The following DEDD2 variants were observed in gnomAD, a reference collection of about 807,000 sequenced individuals.
DEDD2 encodes the protein DNA-binding death effector domain-containing protein 2.
Under a neutral mutation model 28.9 loss-of-function variants are expected in DEDD2, and 18 were observed. The ratio of observed to expected loss-of-function variants is 0.62; its 90% CI spans 0.43 to 0.92. The LOEUF (loss-of-function observed/expected upper bound fraction) is 0.92. Among genes scored for constraint, DEDD2 ranks in the 40% least tolerant of loss-of-function variants. The pLI is 0.00. For synonymous variants in DEDD2, 211 were observed against 206.1 expected (o/e 1.02, Z -0.20); for missense variants, 411 against 463.3 (o/e 0.89, Z 1.04).
At chr19:42,200,700 A>T (rs977095820) in intron 4 of DEDD2, among the ~76,000 whole-genome samples, 4 of 152,214 alleles carry the variant, frequency 2.6e-5, no homozygotes, top group Non-Finnish European at 5.9e-5. Context: ...CCCAGAGATA[A>T]AAAGATTCCT....
chr19:42,211,565 A>G (rs2035766392), intron 3 of DEDD2, among the ~76,000 whole-genome samples: 1 of 152,176 alleles, frequency 6.6e-6, no homozygotes, highest in Non-Finnish European at 1.5e-5. Context: ...TGACTGTAAA[A>G]TCTCAATGGG....
In DEDD2 at chr19:42,209,753, G is replaced by A. The variant is rs749412518; in HGVS notation, c.536C>T (p.Pro179Leu). 42 of 1,605,450 alleles carry A rather than the reference G, an allele frequency of 2.6e-5. 2 individuals carry two copies. In the South Asian group the frequency reaches 4.5e-4, roughly 17 times the overall value. Reference sequence around the variant, plus strand: ...TCTGGCGGGCTCTGACTGCTGCTGGGGTGCGGCTGGGGCCCCTCTCCGCCG... The same window carrying A: ...TCTGGCGGGCTCTGACTGCTGCTGGAGTGCGGCTGGGGCCCCTCTCCGCCG... ...RRRRRGAPAA[P>L]QQQSEPARPS... The change falls in exon 4 of 5, where the codon CCC (proline) becomes CTC (leucine). Residue 179 changes from proline to leucine, a missense_variant. By Grantham distance (98) the Pro-to-Leu change is moderately conservative. This residue lies in a region of DEDD2 where 282 missense variants were observed against 273.4 expected (regional missense o/e 1.03). Coordinates refer to ENST00000596251, the MANE Select transcript of DEDD2 (RefSeq NM_133328.4).
intron 3 of DEDD2, among the ~76,000 whole-genome samples, chr19:42,210,393 T>G (rs967227204): frequency 6.6e-6 from 1 of 151,950 alleles, no homozygotes; most frequent in Non-Finnish European, 1.5e-5. Context: ...TAAAAATACT[T>G]TTCATACTTT....
intron 4 of DEDD2, among the ~76,000 whole-genome samples, chr19:42,203,785 G>A (rs921911120): frequency 1.3e-5 from 2 of 152,350 alleles, no homozygotes; most frequent in African/African-American, 4.8e-5. Context: ...TGAAGTGGCA[G>A]GTGGGTAGAA....
chr19:42,217,787 C>G (rs1317199993), upstream of DEDD2: 1 of 152,420 alleles, frequency 6.6e-6, no homozygotes, highest in Non-Finnish European at 1.5e-5. Context: ...GGCGCATGCG[C>G]AGAACGAGGC....
intron 3 of DEDD2, among the ~76,000 whole-genome samples, chr19:42,214,242 G>A (rs2035876521): frequency 6.6e-6 from 1 of 152,176 alleles, no homozygotes; most frequent in Admixed American, 6.5e-5. Context: ...GATCTCTTGA[G>A]GCCAGGAGTT....
intron 4 of DEDD2, among the ~76,000 whole-genome samples, chr19:42,204,015 G>A (rs2035433202): frequency 1.3e-5 from 2 of 152,210 alleles, no homozygotes; most frequent in Admixed American, 1.3e-4. Context: ...TGGGGGGCAG[G>A]TGCCATGCCT....
rs1322086025 is a variant in DEDD2 at position 42,199,857 on chromosome 19, G to A, written c.590-28C>T. On this transcript the variant is annotated intron_variant, in intron 4 of 4. Transcript: ENST00000596251. This position sits in a 1 kb window ranked among gnomAD's most constrained non-coding sequence, Gnocchi z 7.4. ...GCAGGGGAAGGAGGGATTTGTCAGGGAGGGGGCCAACACTAGACACACTTA... is the reference window on the plus strand; with the variant it reads ...GCAGGGGAAGGAGGGATTTGTCAGGAAGGGGGCCAACACTAGACACACTTA... 1 of 1,560,452 alleles carries A rather than the reference G, an allele frequency of 6.4e-7. No individual in the cohort carries two copies. Among genetic ancestry groups the A allele is most frequent in the South Asian group, 1.2e-5 (1 of 84,914 alleles).
At chr19:42,204,157 G>A (rs2035439105) in intron 4 of DEDD2, among the ~76,000 whole-genome samples, 1 of 152,070 alleles carries the variant, frequency 6.6e-6, no homozygotes, top group Non-Finnish European at 1.5e-5. Flanking sequence ...TCTCAGTGGG[G>A]GACCAGGGTG....
chr19:42,202,795 C>T (rs1247565346), intron 4 of DEDD2, among the ~76,000 whole-genome samples: 2 of 152,198 alleles, frequency 1.3e-5, no homozygotes, highest in African/African-American at 4.8e-5. Flanking sequence ...ACCACACACT[C>T]CCACCTCTGA....
intron 1 of DEDD2, 121 bp from the exon 2 acceptor site, chr19:42,217,166 G>A: frequency 1.4e-6 from 1 of 709,642 alleles, no homozygotes; most frequent in Non-Finnish European, 2.3e-6. Context: ...ACCCCCAACC[G>A]CCTCGGCCTC....
At chr19:42,218,535 G>A (rs2036066382), upstream of DEDD2, among the ~76,000 whole-genome samples, 1 of 152,070 alleles carries the variant, frequency 6.6e-6, no homozygotes, top group African/African-American at 2.4e-5. Flanking sequence ...GTGTATGCGT[G>A]TCCCCTTACC....
intron 4 of DEDD2, chr19:42,201,852 G>A: frequency 2.5e-6 from 1 of 396,360 alleles, no homozygotes; most frequent in Non-Finnish European, 4.4e-6. Context: ...CTGCATCCTT[G>A]ACTCCAGTAA....
intron 3 of DEDD2, among the ~76,000 whole-genome samples, chr19:42,212,220 G>A (rs2035797181): frequency 6.6e-6 from 1 of 151,452 alleles, no homozygotes; most frequent in East Asian, 2.0e-4. Context: ...ACAAAAATCA[G>A]CTGGATATGG....
At chr19:42,209,133 T>C (rs892530901) in intron 4 of DEDD2, among the ~76,000 whole-genome samples, 3 of 151,908 alleles carry the variant, frequency 2.0e-5, no homozygotes, top group Admixed American at 2.0e-4. Context: ...CCCAGCTACT[T>C]GGGAGGCTGA....
chr19:42,207,136 C>T (rs1035255260), intron 4 of DEDD2, among the ~76,000 whole-genome samples: 3 of 152,274 alleles, frequency 2.0e-5, no homozygotes, highest in Middle Eastern at 6.8e-3. Flanking sequence ...GAGTCACCAC[C>T]AGGCAACCAC....
chr19:42,204,142 G>A (rs940764275), intron 4 of DEDD2, among the ~76,000 whole-genome samples: 5 of 151,954 alleles, frequency 3.3e-5, no homozygotes, highest in African/African-American at 1.2e-4. Flanking sequence ...CAAGTGAAAT[G>A]GGCTTCTCAG....
At chr19:42,204,971 C>T (rs1287541871) in intron 4 of DEDD2, among the ~76,000 whole-genome samples, 1 of 152,210 alleles carries the variant, frequency 6.6e-6, no homozygotes, top group Admixed American at 6.5e-5. Flanking sequence ...GGATAAGCAG[C>T]CATCACCTGC....
rs765880016 is a variant in DEDD2, at chr19:42,199,576, A to G, written c.843T>C (p.Thr281=). 1.2e-6 allele frequency: 2 copies of G among 1,613,968 alleles called. No homozygotes were observed. The highest frequency in any genetic ancestry group is 4.5e-5 in the East Asian group (2 of 44,888). ...LLQALRGVFL[T]EALREAVGRE... is the part of the protein sequence containing the mutation. ...GGCCCACAGCCTCTCGCAGGGCCTC[A>G]GTCAGGAACACGCCCCGCAGGGCCT... Residue 281 remains threonine (T), a synonymous_variant, in exon 5 of 5, where the codon ACT becomes ACC. Coordinates refer to ENST00000596251, the MANE Select transcript of DEDD2 (RefSeq NM_133328.4). This position sits in a 1 kb window ranked among gnomAD's most constrained non-coding sequence, Gnocchi z 7.4.
Sources: gnomAD v4.1 joint callset for allele counts (sites outside exome capture counted in the v4.1 genomes callset) on GRCh38, gnomAD v4.1.1 for gene constraint, gnomAD v4.1.1 regional missense constraint, Gnocchi (gnomAD v3.1) non-coding constraint, MANE v1.5 for transcripts, NCBI Gene and HGNC (gene_info 2026-07-23, HGNC 2026-07-21) for gene names.